SYTL5: variants seen among roughly 807,000 people sequenced by gnomAD.
SYTL5 encodes the protein synaptotagmin-like protein 5.
SYTL5 carries 34 observed loss-of-function variants against 55.9 expected under a neutral mutation model. The observed-to-expected ratio is 0.61, with a 90% CI of 0.46 to 0.81. The LOEUF is 0.81. SYTL5 is among the 30% of genes least tolerant of loss of function. The probability of loss-of-function intolerance (pLI) is 0.00; values close to 1 mark genes in which losing one functional copy is unlikely to be tolerated. For synonymous variants in SYTL5, 221 were observed against 188.7 expected (o/e 1.17, Z -1.40); for missense variants, 637 against 546.7 (o/e 1.17, Z -1.65).
At chrX:38,080,653 G>A (rs1159301882) in intron 6 of SYTL5, among the ~76,000 whole-genome samples, 2 of 111,733 alleles carry the variant, frequency 1.8e-5, no homozygotes, top group African/African-American at 6.5e-5. Context: ...AGGAAATATG[G>A]CACTTTGGAT....
rs898743925 is a variant in SYTL5, at chrX:38,090,652, A to G, written c.831+1065A>G. ...ATTTAATGAGAACCTACTATATGAC[A>G]GGCTCTAGTCAAGCAAAGACTTGAA... On this transcript the variant is annotated intron_variant, in intron 7 of 16. Coordinates refer to ENST00000297875, the MANE Select transcript of SYTL5 (RefSeq NM_138780.3). Among the ~76,000 whole-genome samples the G allele has an allele frequency of 3.6e-5, 4 of 112,147 alleles. No homozygotes were observed. The Admixed American group carries it at 3.8e-4, about 11-fold the overall frequency.
chrX:37,999,318 G>A, the SYTL5 span, among the ~76,000 whole-genome samples: 1 of 112,385 alleles, frequency 8.9e-6, no homozygotes, highest in South Asian at 3.7e-4. Flanking sequence ...TGTAATGAAG[G>A]GCAATAAATA....
At chrX:38,085,489 T>G (rs1266028429) in intron 6 of SYTL5, among the ~76,000 whole-genome samples, 1 of 112,274 alleles carries the variant, frequency 8.9e-6, no homozygotes, top group African/African-American at 3.2e-5. Context: ...GTTATCTCTT[T>G]CCCATTTAGC....
chrX:37,951,341 CAG>C, the SYTL5 span, among the ~76,000 whole-genome samples: 3 of 111,113 alleles, frequency 2.7e-5, no homozygotes, highest in Non-Finnish European at 5.7e-5. Flanking sequence ...GGATTAGGAA[CAG>C]AAAATATCAA....
the SYTL5 span, among the ~76,000 whole-genome samples, chrX:37,889,435 T>C: frequency 8.9e-6 from 1 of 112,012 alleles, no homozygotes; most frequent in Non-Finnish European, 1.9e-5. Context: ...TTGTTTCCTA[T>C]TGAAGTCTCA....
At chrX:37,911,719 GAATTAAATCGGTAA>G in the SYTL5 span, among the ~76,000 whole-genome samples, 26 of 111,187 alleles carry the variant, frequency 2.3e-4, no homozygotes, top group Admixed American at 2.5e-3. Flanking sequence ...TGACTTCATA[GAATTAAATCGGTAA>G]AATTCACATT....
At position 38,116,016 on chromosome X, in the gene SYTL5, A is replaced by T. The variant is rs1177310587; in HGVS notation, c.1597-4342A>T. On this transcript the variant is annotated intron_variant, in intron 13 of 16. Coordinates refer to ENST00000297875, the MANE Select transcript of SYTL5 (RefSeq NM_138780.3). Reference sequence around the variant, plus strand: ...TCATATTCAAAAAAAAATTTCCCAGACCTATGTTGTGGAGCTTTTCCCCTA... The same window carrying T: ...TCATATTCAAAAAAAAATTTCCCAGTCCTATGTTGTGGAGCTTTTCCCCTA... Among the ~76,000 whole-genome samples the T allele has an allele frequency of 2.7e-5, 3 of 111,016 alleles. No homozygotes were observed. The Admixed American group carries it at 2.9e-4, about 11-fold the overall frequency.
chrX:38,013,905 C>A lies in SYTL5; in HGVS notation c.-357+7237C>A, dbSNP rs192259707. Reference sequence around the variant, plus strand: ...AGTCCTCCTAGTCCCTCAACCACCACCAACTCCTCCTCTCCTAGCTTAGCT... The same window carrying A: ...AGTCCTCCTAGTCCCTCAACCACCAACAACTCCTCCTCTCCTAGCTTAGCT... On this transcript the variant is annotated intron_variant, in intron 1 of 16. Coordinates refer to ENST00000297875, the MANE Select transcript of SYTL5 (RefSeq NM_138780.3). 6.3e-5 allele frequency among the ~76,000 whole-genome samples: 7 copies of A among 110,880 alleles called. No homozygotes were observed. The East Asian group carries it at 2.0e-3, about 31-fold the overall frequency.
intron 1 of SYTL5, among the ~76,000 whole-genome samples, chrX:38,016,946 G>A (rs958086960): frequency 3.6e-5 from 4 of 112,045 alleles, no homozygotes; most frequent in African/African-American, 1.3e-4. Flanking sequence ...CAGGCTTCAG[G>A]TGGTCTCCTG....
At chrX:38,078,266 G>GTT (rs60191930) in intron 6 of SYTL5, among the ~76,000 whole-genome samples, 2 of 100,254 alleles carry the variant, frequency 2.0e-5, no homozygotes, top group African/African-American at 3.6e-5. Flanking sequence ...TTTTGTTTTT[G>GTT]TTTTTTTTTT....
At chrX:37,910,426 C>A in the SYTL5 span, among the ~76,000 whole-genome samples, 1 of 112,479 alleles carries the variant, frequency 8.9e-6, no homozygotes, top group African/African-American at 3.2e-5. Flanking sequence ...ATATTTAGAG[C>A]CCCTGAAGGC....
At chrX:37,932,164 A>T in the SYTL5 span, among the ~76,000 whole-genome samples, 6 of 112,123 alleles carry the variant, frequency 5.4e-5, no homozygotes, top group African/African-American at 1.9e-4. Context: ...GAATCCTCAT[A>T]CTGTCCACAC....
chrX:38,100,777 A>G (rs1410355245), intron 9 of SYTL5, among the ~76,000 whole-genome samples: 1 of 110,701 alleles, frequency 9.0e-6, no homozygotes, highest in Non-Finnish European at 1.9e-5. Context: ...AGATATGTTC[A>G]CCCCTTGACT....
At chrX:37,990,154 G>A in the SYTL5 span, among the ~76,000 whole-genome samples, 1 of 111,138 alleles carries the variant, frequency 9.0e-6, no homozygotes, top group Non-Finnish European at 1.9e-5. Context: ...TTACAGGAGT[G>A]AGCCACTGCG....
chrX:38,050,984 A>C (rs776396117), intron 2 of SYTL5, among the ~76,000 whole-genome samples: 1 of 112,411 alleles, frequency 8.9e-6, no homozygotes, highest in East Asian at 2.8e-4. Flanking sequence ...AGAAAGGTGC[A>C]ATCCCAACTT....
rs1487161412 is a variant in SYTL5 at position 38,128,454 on chromosome X, A to G, written c.*1724A>G. 8.9e-6 allele frequency: 1 copy of G among 111,844 alleles called. No homozygotes were observed. Among genetic ancestry groups the G allele is most frequent in the Non-Finnish European group, 1.9e-5 (1 of 53,217 alleles). 9.2% of individuals were successfully genotyped at this position (111,844 alleles called of 1,213,427 possible). ...TGAGCTCATTTTTTCATGCGAGTTC[A>G]TATAAAATCCTCGAAAGTTTAGAAA... is the stretch of plus-strand genomic sequence containing the variant. On this transcript the variant is annotated 3_prime_UTR_variant, in exon 17 of 17. Coordinates refer to ENST00000297875, the MANE Select transcript of SYTL5 (RefSeq NM_138780.3).
chrX:38,085,918 C>T (rs1376390192), intron 6 of SYTL5, among the ~76,000 whole-genome samples: 1 of 111,149 alleles, frequency 9.0e-6, no homozygotes, highest in African/African-American at 3.3e-5. Flanking sequence ...CAACATGGTG[C>T]TGTGCTGAAC....
At chrX:37,974,530 G>A in the SYTL5 span, among the ~76,000 whole-genome samples, 2 of 111,886 alleles carry the variant, frequency 1.8e-5, no homozygotes, top group Admixed American at 9.5e-5. Flanking sequence ...TATTGTAAAT[G>A]TACTAAAGGC....
At chrX:38,060,812 G>A (rs908278628) in intron 3 of SYTL5, among the ~76,000 whole-genome samples, 4 of 112,120 alleles carry the variant, frequency 3.6e-5, no homozygotes, top group East Asian at 2.8e-4. Context: ...CAAAACTTCC[G>A]TGTCTTCCTT....
Sources: allele counts gnomAD v4.1 joint callset (sites outside exome capture counted in the v4.1 genomes callset), GRCh38; gene constraint gnomAD v4.1.1; transcripts MANE v1.5; gene names NCBI Gene and HGNC (gene_info 2026-07-23, HGNC 2026-07-21).